DNAH2: variants seen among roughly 807,000 people sequenced by gnomAD.
The protein encoded by DNAH2 is axonemal beta dynein heavy chain 2.
In DNAH2, 323 loss-of-function variants were observed where a neutral mutation model predicts 523.5. The ratio of observed to expected loss-of-function variants is 0.62; its 90% CI spans 0.56 to 0.68. The LOEUF (loss-of-function observed/expected upper bound fraction) is 0.68. Ranked by LOEUF, DNAH2 falls within the 30% of genes least tolerant of loss-of-function variation. The probability of loss-of-function intolerance (pLI) is 0.00; values close to 1 mark genes in which losing one functional copy is unlikely to be tolerated. For synonymous variants in DNAH2, 2,093 were observed against 2,177.4 expected, an observed-to-expected ratio of 0.96 and a Z score of 1.08; for missense variants, 4,907 against 5,701.5, an observed-to-expected ratio of 0.86 and a Z score of 4.49.
chr17:7,796,785 T>G, intron 50 of DNAH2, 133 bp downstream of exon 50: 1 of 1,041,050 alleles, frequency 9.6e-7, no homozygotes, highest in Non-Finnish European at 1.3e-6. Context: ...CCACACTCCC[T>G]GGCCTTACCT....
rs2077142033 is a variant in DNAH2, at chr17:7,798,832, A to G, written c.8559+114A>G. ...GGCACACCCCCACTGCCACACCCCC[A>G]CTGCCCACCTCAGCCCTGTAAGGTG... On this transcript the variant is annotated intron_variant, in intron 55 of 85. Transcript: ENST00000572933. This position sits in a 1 kb window ranked among gnomAD's most constrained non-coding sequence, Gnocchi z 5.5. 1.8e-6 allele frequency: 2 copies of G among 1,090,578 alleles called. No individual in the cohort carries two copies. Among genetic ancestry groups the G allele is most frequent in the Non-Finnish European group, 1.3e-6 (1 of 765,180 alleles). 67.6% of individuals were successfully genotyped at this position (1,090,578 alleles called of 1,614,324 possible).
chr17:7,740,588 C>G (rs2075283333), intron 10 of DNAH2, 39 bp downstream of exon 10: 2 of 1,607,238 alleles, frequency 1.2e-6, no homozygotes, highest in South Asian at 2.2e-5. Flanking sequence ...TCCCGTCCCG[C>G]GTGCTTTCCT....
Position 7,818,784 on chromosome 17 carries a change from C to T in DNAH2, c.10670+8C>T. 1 of 1,613,934 alleles carries T rather than the reference C, an allele frequency of 6.2e-7. No homozygotes were observed. Among genetic ancestry groups the T allele is most frequent in the Non-Finnish European group, 8.5e-7 (1 of 1,179,898 alleles). On this transcript the variant is annotated splice_region_variant and intron_variant, in intron 70 of 85. Coordinates refer to ENST00000572933, the MANE Select transcript of DNAH2 (RefSeq NM_020877.5). ...GGAGGATGAGATCCTGCGGTGAGGCCCTGCCTTCCCCTCCCACTGCCCCAC... is the reference window on the plus strand; with the variant it reads ...GGAGGATGAGATCCTGCGGTGAGGCTCTGCCTTCCCCTCCCACTGCCCCAC...
At chr17:7,797,052 A>T in intron 50 of DNAH2, 124 bp from the exon 51 acceptor site, 1 of 847,516 alleles carries the variant, frequency 1.2e-6, no homozygotes, top group Non-Finnish European at 1.8e-6. Context: ...CAGTGAGCTG[A>T]GATTGCACCA....
intron 11 of DNAH2, 126 bp from the exon 12 acceptor site, chr17:7,742,802 C>T (rs547067909): frequency 1.1e-5 from 6 of 559,678 alleles, no homozygotes; most frequent in African/African-American, 7.8e-5. Context: ...AATCCATCTC[C>T]ATAGCAAGCC....
Position 7,788,179 on chromosome 17 carries a change from C to T in DNAH2, c.6835C>T (p.Pro2279Ser), listed in dbSNP as rs765595877. Reference protein sequence around the residue: ...KDNCKELVPLPEYSGITSLCK... With the variant: ...KDNCKELVPLSEYSGITSLCK... ...CAACTGCAAGGAGCTGGTGCCCCTGCCCGAGTACAGCGGTATCACCTCCCT... is the reference window on the plus strand; with the variant it reads ...CAACTGCAAGGAGCTGGTGCCCCTGTCCGAGTACAGCGGTATCACCTCCCT... Residue 2279 changes from proline (P) to serine (S), a missense_variant, in exon 44 of 86, where the codon CCC becomes TCC. This residue lies in a region of DNAH2 where 2,806 missense variants were observed against 3,190.8 expected (regional missense o/e 0.88). Coordinates refer to ENST00000572933, the MANE Select transcript of DNAH2 (RefSeq NM_020877.5). The T allele has an allele frequency of 1.4e-4, 221 of 1,613,248 alleles. No homozygotes were observed. The highest frequency in any genetic ancestry group is 1.8e-4 in the Non-Finnish European group (217 of 1,179,696).
chr17:7,756,803 T>C (rs970163146), intron 12 of DNAH2, among the ~76,000 whole-genome samples: 2 of 152,172 alleles, frequency 1.3e-5, no homozygotes, highest in Admixed American at 1.3e-4. Flanking sequence ...CCTGAGTAGC[T>C]GGGATTACAG....
chr17:7,777,997 A>G, intron 33 of DNAH2, 80 bp from the exon 34 acceptor site: 3 of 1,313,452 alleles, frequency 2.3e-6, no homozygotes, highest in Non-Finnish European at 3.3e-6. Flanking sequence ...GACAACTCTG[A>G]GCCCCACTCT....
rs868441186 is a variant in DNAH2, at chr17:7,764,244, G to A, written c.3307G>A (p.Glu1103Lys). The change falls in exon 20 of 86, where the codon GAA becomes AAA. Residue 1103 changes from glutamate to lysine, a missense_variant. Physicochemically the swap from Glu to Lys is moderately conservative, Grantham distance 56 (BLOSUM62 1). Transcript: ENST00000572933. ...PPIHEQFAIL[E>K]KYEVPVEDSV... ...CATACACGAGCAATTTGCCATTCTTGAAAAGTACGAGGTGCCAGTCGAGGA... is the reference window on the plus strand; with the variant it reads ...CATACACGAGCAATTTGCCATTCTTAAAAAGTACGAGGTGCCAGTCGAGGA... The A allele has an allele frequency of 1.2e-6, 2 of 1,612,636 alleles. No individual in the cohort carries two copies. The highest frequency in any genetic ancestry group is 4.5e-5 in the East Asian group (2 of 44,882).
At position 7,727,150 on chromosome 17, in the gene DNAH2, T is replaced by C; in HGVS notation, c.257T>C (p.Leu86Pro). 1.3e-6 allele frequency: 2 copies of C among 1,588,922 alleles called. No individual in the cohort carries two copies. The highest frequency in any genetic ancestry group is 1.7e-6 in the Non-Finnish European group (2 of 1,171,414). Residue 86 changes from leucine to proline, a missense_variant, in exon 4 of 86, where the codon CTG (leucine) becomes CCG (proline). This residue lies in a region of DNAH2 where 2,806 missense variants were observed against 3,190.8 expected (regional missense o/e 0.88). Coordinates refer to ENST00000572933, the MANE Select transcript of DNAH2 (RefSeq NM_020877.5). ...CCCCTCTTCCTTTCCCGAGCTGCGCTGACAGGACTGGCGGATGCAGTGTGG... is the reference window on the plus strand; with the variant it reads ...CCCCTCTTCCTTTCCCGAGCTGCGCCGACAGGACTGGCGGATGCAGTGTGG... ...VKPLFLSRAA[L>P]TGLADAVWTQ...
chr17:7,808,020 G>C (rs906602384), intron 63 of DNAH2, among the ~76,000 whole-genome samples: 1 of 152,164 alleles, frequency 6.6e-6, no homozygotes, highest in Admixed American at 6.5e-5. Flanking sequence ...CTCTCCCAGA[G>C]GCCAAGTGGG....
chr17:7,725,441 T>TA (rs398119671), intron 3 of DNAH2, among the ~76,000 whole-genome samples: 5 of 137,062 alleles, frequency 3.6e-5, no homozygotes, highest in African/African-American at 8.2e-5. Flanking sequence ...TATATATATA[T>TA]TTTCTTTTTG....
At chr17:7,757,596 C>G (rs141680239) in intron 13 of DNAH2, among the ~76,000 whole-genome samples, 1 of 152,334 alleles carries the variant, frequency 6.6e-6, no homozygotes, top group African/African-American at 2.4e-5. Flanking sequence ...CTGCTGCCCC[C>G]ATCCCTGCCT....
At chr17:7,746,227 A>G (rs896773898) in intron 12 of DNAH2, among the ~76,000 whole-genome samples, 1 of 152,238 alleles carries the variant, frequency 6.6e-6, no homozygotes, top group Non-Finnish European at 1.5e-5. Flanking sequence ...CATACAGTGT[A>G]AAATTCAAAA....
intron 36 of DNAH2, among the ~76,000 whole-genome samples, 192 bp from the exon 37 acceptor site, chr17:7,779,965 G>A (rs1179381279): frequency 6.6e-6 from 1 of 152,196 alleles, no homozygotes; most frequent in Non-Finnish European, 1.5e-5. Flanking sequence ...AAGGACCAGA[G>A]ATAAGAGAGA....
At position 7,779,287 on chromosome 17, in the gene DNAH2, C is replaced by T. The variant is rs17806045; in HGVS notation, c.5586C>T (p.Ile1862=). The T allele has an allele frequency of 0.13, 214,524 of 1,614,108 alleles. 15,677 individuals carry two copies. Among genetic ancestry groups the T allele is most frequent in the Non-Finnish European group, 0.15 (175,939 of 1,180,000 alleles). ...TTGATGAGTTTAACCGCATCAACAT[C>T]GAGGTGCTGTCAGTGGTGGCCCACC... ...GCFDEFNRIN[I]EVLSVVAHQI... is the part of the protein sequence containing the mutation. Residue 1862 remains isoleucine (I), a synonymous_variant, in exon 36 of 86, where the codon ATC becomes ATT. Transcript: ENST00000572933.
intron 12 of DNAH2, among the ~76,000 whole-genome samples, chr17:7,748,340 T>A (rs2075573774): frequency 6.6e-6 from 1 of 152,194 alleles, no homozygotes; most frequent in Non-Finnish European, 1.5e-5. Context: ...TCTCTCTTTT[T>A]TCCCCGGTCA....
At chr17:7,803,505 T>C (rs1008958863) in intron 58 of DNAH2, among the ~76,000 whole-genome samples, 2 of 151,614 alleles carry the variant, frequency 1.3e-5, no homozygotes, top group Non-Finnish European at 2.9e-5. Context: ...ACCCTGTCTC[T>C]ACAAAAATAC....
At chr17:7,794,816 A>G (rs2077019546) in intron 49 of DNAH2, among the ~76,000 whole-genome samples, 1 of 143,842 alleles carries the variant, frequency 7.0e-6, no homozygotes, top group African/African-American at 2.6e-5. Context: ...ATGCAGTGGC[A>G]TGATCTCAGC....
Sources: allele counts gnomAD v4.1 joint callset (sites outside exome capture counted in the v4.1 genomes callset), GRCh38; gene constraint gnomAD v4.1.1; regional missense constraint gnomAD v4.1.1; non-coding constraint Gnocchi (gnomAD v3.1); transcripts MANE v1.5; gene names NCBI Gene and HGNC (gene_info 2026-07-23, HGNC 2026-07-21).